UNC79: variants seen among roughly 807,000 people sequenced by gnomAD.
UNC79 encodes unc-79 subunit of NALCN channel complex, also known as protein unc-79 homolog.
Under a neutral mutation model 283.1 loss-of-function variants are expected in UNC79, and 37 were observed. That is an observed-to-expected ratio of 0.13 (90% CI 0.10 to 0.17). The LOEUF is 0.17. UNC79 is among the 10% of genes least tolerant of loss of function. The probability of loss-of-function intolerance (pLI) is 1.00; values close to 1 mark genes in which losing one functional copy is unlikely to be tolerated. For synonymous variants in UNC79, 1,107 were observed against 1,200.2 expected (o/e 0.92, Z 1.61); for missense variants, 2,272 against 3,211.1 (o/e 0.71, Z 7.07).
chr14:93,697,590 T>C (rs1162554447), intron 47 of UNC79, among the ~76,000 whole-genome samples: 1 of 152,096 alleles, frequency 6.6e-6, no homozygotes, highest in East Asian at 1.9e-4. Context: ...AATTTTAAAA[T>C]TGGTTTGTCA....
chr14:93,608,860 T>A (rs927829463), intron 26 of UNC79, among the ~76,000 whole-genome samples: 1 of 152,180 alleles, frequency 6.6e-6, no homozygotes, highest in Non-Finnish European at 1.5e-5. Flanking sequence ...TGACAGACAT[T>A]TATGTATAAT....
chr14:93,665,726 T>A (rs1023794318), intron 40 of UNC79, among the ~76,000 whole-genome samples: 2 of 151,676 alleles, frequency 1.3e-5, no homozygotes, highest in Non-Finnish European at 2.9e-5. Flanking sequence ...AAAAAAAAAG[T>A]CTTTAAAATG....
At chr14:93,504,109 TG>T (rs928756757) in intron 7 of UNC79, among the ~76,000 whole-genome samples, 4 of 152,006 alleles carry the variant, frequency 2.6e-5, no homozygotes, top group African/African-American at 9.6e-5. Context: ...TTAGTTCAAC[TG>T]GTTTATTTCT....
At chr14:93,535,030 T>C (rs895590943) in intron 11 of UNC79, among the ~76,000 whole-genome samples, 2 of 152,218 alleles carry the variant, frequency 1.3e-5, no homozygotes, top group East Asian at 3.8e-4. Flanking sequence ...AAATAAGCAA[T>C]GATAGCATCG....
At chr14:93,341,641 G>A (rs1488835732) in intron 1 of UNC79, among the ~76,000 whole-genome samples, 1 of 151,768 alleles carries the variant, frequency 6.6e-6, no homozygotes, top group Non-Finnish European at 1.5e-5. Flanking sequence ...GGGCATGGTG[G>A]TGCATGCCTG....
At chr14:93,685,855 G>C (rs963359868) in intron 42 of UNC79, among the ~76,000 whole-genome samples, 2 of 152,212 alleles carry the variant, frequency 1.3e-5, no homozygotes, top group African/African-American at 4.8e-5. Flanking sequence ...GCAGGCCAAT[G>C]TCATTTAACG....
intron 1 of UNC79, among the ~76,000 whole-genome samples, chr14:93,414,272 A>G (rs1175738503): frequency 6.6e-6 from 1 of 152,214 alleles, no homozygotes; most frequent in African/African-American, 2.4e-5. Flanking sequence ...CAGTGCCATT[A>G]TTAAATAGGG....
intron 46 of UNC79, among the ~76,000 whole-genome samples, chr14:93,692,686 C>T (rs1032502325): frequency 5.9e-5 from 9 of 152,270 alleles, no homozygotes; most frequent in Admixed American, 2.6e-4. Context: ...TGAATGTAGA[C>T]GGCTACCAAG....
chr14:93,379,861 A>T (rs1441133255), intron 1 of UNC79, among the ~76,000 whole-genome samples: 1 of 151,746 alleles, frequency 6.6e-6, no homozygotes, highest in Admixed American at 6.5e-5. Context: ...ATTGAAATAA[A>T]ATAAAAATAA....
intron 1 of UNC79, among the ~76,000 whole-genome samples, chr14:93,404,493 A>AAAAAAAAAAAAAATATATAT: frequency 3.3e-5 from 2 of 61,510 alleles, no homozygotes; most frequent in South Asian, 4.6e-4. Context: ...TTCTAAAAAA[A>AAAAAAAAAAAAAATATATAT]ATATATATAT....
chr14:93,681,880 G>T (rs945591852), intron 41 of UNC79, among the ~76,000 whole-genome samples: 2 of 152,222 alleles, frequency 1.3e-5, no homozygotes, highest in African/African-American at 2.4e-5. Context: ...TTCTTGTAAT[G>T]ATCTCAAGTC....
chr14:93,544,132 G>A (rs1456984605), intron 14 of UNC79, among the ~76,000 whole-genome samples: 1 of 152,146 alleles, frequency 6.6e-6, no homozygotes, highest in East Asian at 1.9e-4. Context: ...GATTATGTTG[G>A]GAGAAAAACT....
At chr14:93,444,804 C>A (rs747768988) in intron 1 of UNC79, among the ~76,000 whole-genome samples, 1 of 152,090 alleles carries the variant, frequency 6.6e-6, no homozygotes, top group African/African-American at 2.4e-5. Flanking sequence ...AGTCTTCCAA[C>A]TTTGTTCTTA....
chr14:93,550,742 T>C (rs935001644), intron 14 of UNC79, among the ~76,000 whole-genome samples: 2 of 152,112 alleles, frequency 1.3e-5, no homozygotes, highest in African/African-American at 2.4e-5. Context: ...GAGTTACTTG[T>C]TTCACAAAAC....
At chr14:93,473,952 G>A in intron 2 of UNC79, 137 bp from the exon 3 acceptor site, 1 of 1,025,218 alleles carries the variant, frequency 9.8e-7, no homozygotes, top group Non-Finnish European at 1.4e-6. Flanking sequence ...TAGACTGGTA[G>A]ACCCTGCTGG....
chr14:93,634,554 G>A lies in UNC79; in HGVS notation c.5717-2662G>A, dbSNP rs781284690. ...AGGCAGATGAAAAGGGGATCCCTGGGAGTTCTGACAATGAGCCAGTTAATG... is the reference window on the plus strand; with the variant it reads ...AGGCAGATGAAAAGGGGATCCCTGGAAGTTCTGACAATGAGCCAGTTAATG... On this transcript the variant is annotated intron_variant, in intron 31 of 48. Coordinates refer to ENST00000555664, the Ensembl canonical transcript of UNC79. The A allele has an allele frequency of 6.2e-6, 10 of 1,614,090 alleles. 1 individual carries two copies. The highest frequency in any genetic ancestry group is 5.5e-5 in the South Asian group (5 of 91,072).
At chr14:93,414,173 AG>A (rs1194301317) in intron 1 of UNC79, among the ~76,000 whole-genome samples, 1 of 151,938 alleles carries the variant, frequency 6.6e-6, no homozygotes, top group African/African-American at 2.4e-5. Context: ...CTAACGTTTA[AG>A]TCTTTAATCC....
chr14:93,537,119 C>A (rs1200325584), intron 11 of UNC79, among the ~76,000 whole-genome samples: 2 of 152,176 alleles, frequency 1.3e-5, no homozygotes, highest in Non-Finnish European at 2.9e-5. Flanking sequence ...GTGTTCACAT[C>A]TTCACAAGCA....
At chr14:93,631,264 T>A (rs74777607) in intron 31 of UNC79, among the ~76,000 whole-genome samples, 2,173 of 152,352 alleles carry the variant, frequency 0.014, 51 homozygotes, top group African/African-American at 0.05. Context: ...GGCAGAATTT[T>A]ACATGGAACA....
Sources: gnomAD v4.1 joint callset for allele counts (sites outside exome capture counted in the v4.1 genomes callset) on GRCh38, gnomAD v4.1.1 for gene constraint, MANE v1.5 for transcripts, NCBI Gene and HGNC (gene_info 2026-07-23, HGNC 2026-07-21) for gene names.